Variants in CACNB2 observed in about 807,000 individuals in gnomAD.
CACNB2 encodes the protein voltage-dependent L-type calcium channel subunit beta-2.
In CACNB2, 42 loss-of-function variants were observed where a neutral mutation model predicts 73.3. That is an observed-to-expected ratio of 0.57 (90% CI 0.45 to 0.74). CACNB2 has a LOEUF of 0.74. Ranked by LOEUF, CACNB2 falls within the 30% of genes least tolerant of loss-of-function variation. The probability of loss-of-function intolerance (pLI) is 0.00; values close to 1 mark genes in which losing one functional copy is unlikely to be tolerated. For synonymous variants in CACNB2, 348 were observed against 310.3 expected (o/e 1.12, Z -1.28); for missense variants, 940 against 853.0 (o/e 1.10, Z -1.27).
At chr10:18,348,781 G>A (rs1052782145) in intron 2 of CACNB2, among the ~76,000 whole-genome samples, 11 of 152,098 alleles carry the variant, frequency 7.2e-5, no homozygotes, top group Non-Finnish European at 1.2e-4. Flanking sequence ...GAGATTACAG[G>A]TTTGAGCCAC....
chr10:18,152,627 C>T (rs1022749777), intron 2 of CACNB2, among the ~76,000 whole-genome samples: 2 of 147,122 alleles, frequency 1.4e-5, no homozygotes, highest in African/African-American at 5.0e-5. Context: ...ATTTATTCTG[C>T]CTCTGAGACA....
chr10:18,299,783 T>A (rs1423088017), intron 2 of CACNB2, among the ~76,000 whole-genome samples: 2 of 152,160 alleles, frequency 1.3e-5, no homozygotes. Flanking sequence ...TGCTGATGGT[T>A]GTGAGAATGA....
intron 2 of CACNB2, among the ~76,000 whole-genome samples, chr10:18,225,963 G>A (rs147946298): frequency 1.1e-4 from 17 of 151,878 alleles, no homozygotes; most frequent in Middle Eastern, 3.5e-3. Flanking sequence ...TTAAAGACAT[G>A]TTCTTAGTGG....
intron 3 of CACNB2, among the ~76,000 whole-genome samples, chr10:18,407,515 C>T (rs2044363114): frequency 6.6e-6 from 1 of 152,086 alleles, no homozygotes; most frequent in Non-Finnish European, 1.5e-5. Flanking sequence ...TTTGACATGA[C>T]ATGCCTTGGT....
intron 3 of CACNB2, among the ~76,000 whole-genome samples, chr10:18,491,051 T>A (rs892812137): frequency 6.6e-6 from 1 of 152,218 alleles, no homozygotes; most frequent in African/African-American, 2.4e-5. Context: ...CTGTTCCTGG[T>A]GTTCCCGTGA....
chr10:18,246,428 T>A (rs1205043124), intron 2 of CACNB2, among the ~76,000 whole-genome samples: 1 of 152,170 alleles, frequency 6.6e-6, no homozygotes, highest in African/African-American at 2.4e-5. Context: ...TTTTACAATG[T>A]CTTCTCTACT....
In CACNB2 at chr10:18,534,227, G is replaced by GGTAA. The variant is rs1456201116; in HGVS notation, c.1206+4_1206+7dup. ...TATATGTAAAGATTTCTTCTCCTAA[G>GGTAA]GTAAGTAGGACTGCTACTGTTTGCT... On this transcript the variant is annotated frameshift_variant and splice_region_variant. Transcript: ENST00000324631. LOFTEE classifies it high-confidence loss of function. The GGTAA allele has an allele frequency of 1.2e-4, 191 of 1,610,000 alleles. No individual in the cohort carries two copies. Among genetic ancestry groups the GGTAA allele is most frequent in the Non-Finnish European group, 3.8e-5 (45 of 1,176,468 alleles).
chr10:18,308,922 G>A (rs988080459), intron 2 of CACNB2, among the ~76,000 whole-genome samples: 4 of 152,020 alleles, frequency 2.6e-5, no homozygotes, highest in Admixed American at 6.6e-5. Flanking sequence ...TGCAAAAAAT[G>A]CAATTTTAAA....
intron 2 of CACNB2, among the ~76,000 whole-genome samples, chr10:18,220,232 T>TATATAGAGAG (rs1488872721): frequency 2.8e-4 from 7 of 25,092 alleles, no homozygotes; most frequent in African/African-American, 4.9e-4. Flanking sequence ...TATATATATA[T>TATATAGAGAG]AGAGAGAGAG....
intron 3 of CACNB2, among the ~76,000 whole-genome samples, chr10:18,431,752 A>G (rs1189282477): frequency 7.5e-6 from 1 of 133,210 alleles, no homozygotes; most frequent in Non-Finnish European, 1.6e-5. Flanking sequence ...TGTTGACCTC[A>G]TTGAATCTCA....
chr10:18,276,928 A>G (rs907247652), intron 2 of CACNB2, among the ~76,000 whole-genome samples: 18 of 152,202 alleles, frequency 1.2e-4, no homozygotes, highest in African/African-American at 4.1e-4. Context: ...ACAGGGCAAC[A>G]TAACGAAACC....
At chr10:18,468,465 A>G (rs940273719) in intron 3 of CACNB2, among the ~76,000 whole-genome samples, 2 of 152,184 alleles carry the variant, frequency 1.3e-5, no homozygotes. Context: ...AACAACAACA[A>G]CAGTAAAAAC....
chr10:18,166,265 A>ATT (rs564732771), intron 2 of CACNB2, among the ~76,000 whole-genome samples: 1 of 150,264 alleles, frequency 6.7e-6, no homozygotes, highest in African/African-American at 2.4e-5. Flanking sequence ...ATTTATGAGG[A>ATT]TTTTTTTTTT....
Position 18,150,876 on chromosome 10 carries a change from T to TTTTTTTG in CACNB2, c.121-3_121-2insTTGTTTT. ...TTGTCTTTTTTTTTTTTTTTTTTTT[T>TTTTTTTG]TTTTAGTCATATGGAAAAGGAGCCA... On this transcript the variant is annotated splice_polypyrimidine_tract_variant and splice_region_variant and intron_variant, in intron 1 of 13. Coordinates refer to ENST00000324631, the MANE Select transcript of CACNB2 (RefSeq NM_201596.3). 7.5e-7 allele frequency: 1 copy of TTTTTTTG among 1,334,202 alleles called. No individual in the cohort carries two copies. The highest frequency in any genetic ancestry group is 1.0e-6 in the Non-Finnish European group (1 of 973,240). 82.6% of individuals were successfully genotyped at this position (1,334,202 alleles called of 1,614,324 possible).
chr10:18,151,200 G>A, intron 2 of CACNB2: 3 of 484,612 alleles, frequency 6.2e-6, no homozygotes, highest in Non-Finnish European at 1.1e-5. Context: ...GAGAAGTGTG[G>A]CATTCATTAC....
At chr10:18,285,495 C>T (rs2038747932) in intron 2 of CACNB2, among the ~76,000 whole-genome samples, 1 of 152,224 alleles carries the variant, frequency 6.6e-6, no homozygotes, top group Non-Finnish European at 1.5e-5. Context: ...GCTAAGATAT[C>T]CAGCTAAGGC....
rs1263805881 is a variant in CACNB2, at chr10:18,391,241, A to G, written c.214-10683A>G. Among the ~76,000 whole-genome samples, 4 of 152,206 alleles carry G rather than the reference A, an allele frequency of 2.6e-5. 1 individual carries two copies. Among genetic ancestry groups the G allele is most frequent in the African/African-American group, 9.6e-5 (4 of 41,472 alleles). ...AGCTTCAAGCTGAAGCCTTTGTTTTATTCTTTATTCATTATAAATATTTAT... is the reference window on the plus strand; with the variant it reads ...AGCTTCAAGCTGAAGCCTTTGTTTTGTTCTTTATTCATTATAAATATTTAT... On this transcript the variant is annotated intron_variant, in intron 2 of 13. Transcript: ENST00000324631.
At chr10:18,384,120 C>T (rs1242126730) in intron 2 of CACNB2, among the ~76,000 whole-genome samples, 3 of 152,110 alleles carry the variant, frequency 2.0e-5, no homozygotes, top group African/African-American at 4.8e-5. Flanking sequence ...CAAAGAGGCA[C>T]CGTGTTCCCA....
intron 2 of CACNB2, chr10:18,224,287 C>T (rs2131409371): frequency 6.6e-6 from 1 of 151,518 alleles, no homozygotes; most frequent in African/African-American, 2.4e-5. Flanking sequence ...TAAGACCTAC[C>T]TTCCGTGTGC....
Sources: gnomAD v4.1 joint callset for allele counts (sites outside exome capture counted in the v4.1 genomes callset) on GRCh38, gnomAD v4.1.1 for gene constraint, MANE v1.5 for transcripts, NCBI Gene and HGNC (gene_info 2026-07-23, HGNC 2026-07-21) for gene names.